TGFA: variants seen among roughly 807,000 people sequenced by gnomAD.
TGFA encodes the protein transforming growth factor alpha.
TGFA carries 12 observed loss-of-function variants against 21.7 expected under a neutral mutation model. That is an observed-to-expected ratio of 0.55 (90% CI 0.35 to 0.90). The LOEUF (loss-of-function observed/expected upper bound fraction) is 0.90. Among genes scored for constraint, TGFA ranks in the 40% least tolerant of loss-of-function variants. The pLI is 0.01. For missense variants in TGFA, 178 were observed against 210.8 expected (o/e 0.84, Z 0.96); for synonymous variants, 79 against 88.1 (o/e 0.90, Z 0.58).
intron 1 of TGFA, among the ~76,000 whole-genome samples, chr2:70,521,613 G>A (rs2461518): frequency 1.4e-5 from 1 of 74,052 alleles, no homozygotes; most frequent in Admixed American, 1.9e-4. Flanking sequence ...GTTGTTGTTT[G>A]TTTGTTTTTT....
intron 2 of TGFA, among the ~76,000 whole-genome samples, chr2:70,491,176 T>C (rs535110014): frequency 1.3e-5 from 2 of 152,278 alleles, no homozygotes; most frequent in Admixed American, 6.5e-5. Flanking sequence ...TTTGCTGAGA[T>C]TGGGTCTGAG....
intron 5 of TGFA, 118 bp from the exon 6 acceptor site, chr2:70,450,984 C>CCTAACTGCCCGAGAG: frequency 7.9e-7 from 1 of 1,261,008 alleles, no homozygotes; most frequent in Non-Finnish European, 1.1e-6. Flanking sequence ...TTCTCTCGGG[C>CCTAACTGCCCGAGAG]AGTTAGGCCC....
intron 4 of TGFA, among the ~76,000 whole-genome samples, chr2:70,454,484 C>T (rs1670165164): frequency 1.3e-5 from 2 of 152,254 alleles, no homozygotes; most frequent in South Asian, 4.1e-4. Context: ...CAGTACATCC[C>T]ATGCCAGGGG....
intron 2 of TGFA, among the ~76,000 whole-genome samples, chr2:70,499,760 G>A (rs1401848759): frequency 6.6e-6 from 1 of 152,172 alleles, no homozygotes; most frequent in African/African-American, 2.4e-5. Context: ...ACATGAGAAA[G>A]CACTCAACAG....
At chr2:70,540,717 T>A (rs1270511831) in intron 1 of TGFA, among the ~76,000 whole-genome samples, 1 of 152,200 alleles carries the variant, frequency 6.6e-6, no homozygotes, top group Non-Finnish European at 1.5e-5. Context: ...ATTACACTTT[T>A]AGTAAACCTA....
At chr2:70,484,114 C>T (rs1401081093) in intron 2 of TGFA, among the ~76,000 whole-genome samples, 5 of 152,114 alleles carry the variant, frequency 3.3e-5, no homozygotes, top group African/African-American at 7.2e-5. Context: ...CCTAGTGTTT[C>T]CTTCTCTCAC....
intron 2 of TGFA, among the ~76,000 whole-genome samples, chr2:70,506,433 C>T (rs370105570): frequency 3.9e-5 from 6 of 152,270 alleles, no homozygotes; most frequent in East Asian, 3.9e-4. Context: ...ATTTCTGGAT[C>T]GCATGCTGTA....
intron 2 of TGFA, among the ~76,000 whole-genome samples, chr2:70,494,148 G>A (rs1671511752): frequency 6.6e-6 from 1 of 152,076 alleles, no homozygotes; most frequent in Non-Finnish European, 1.5e-5. Flanking sequence ...ATCACTCCAA[G>A]CTCTGCTTCC....
chr2:70,511,668 G>A (rs534335362), intron 2 of TGFA, among the ~76,000 whole-genome samples: 8 of 152,236 alleles, frequency 5.3e-5, no homozygotes, highest in Admixed American at 1.3e-4. Context: ...TTACGTATAC[G>A]CATTGAAGTG....
chr2:70,465,613 T>C lies in TGFA; in HGVS notation c.215+3A>G, dbSNP rs782517356. On this transcript the variant is annotated splice_donor_region_variant and intron_variant, in intron 3 of 5. Transcript: ENST00000295400. ...GATCTCCAGGAGAACAGGGGATACT[T>C]ACACACATGCTGGCTTGTCCTCCTG... 4 of 1,614,126 alleles carry C rather than the reference T, an allele frequency of 2.5e-6. No homozygotes were observed. The East Asian group carries it at 8.9e-5, about 36-fold the overall frequency.
intron 2 of TGFA, among the ~76,000 whole-genome samples, chr2:70,504,501 C>T (rs1477132945): frequency 1.5e-5 from 2 of 136,120 alleles, no homozygotes; most frequent in Non-Finnish European, 3.2e-5. Context: ...CACACACACA[C>T]ACACACACAC....
At chr2:70,544,602 A>G (rs1234921347) in intron 1 of TGFA, among the ~76,000 whole-genome samples, 8 of 152,256 alleles carry the variant, frequency 5.3e-5, no homozygotes, top group African/African-American at 1.9e-4. Context: ...AATCCCTAGC[A>G]TCTAGAAGTG....
rs782730407 is a variant in TGFA, at chr2:70,447,644, C to T, written c.*3215G>A. 3.3e-5 allele frequency: 5 copies of T among 152,464 alleles called. No homozygotes were observed. The highest frequency in any genetic ancestry group is 5.9e-5 in the Non-Finnish European group (4 of 68,030). The allele number at this position is 152,464 out of a possible 1,614,324, so 9.4% of individuals were successfully genotyped here. The stretch of plus-strand genomic sequence containing the variant: ...AGAGGAGTTGCTTTTTCAGTACTCT[C>T]TCTCTCTCTGTGTGAACCACTAGAT... On this transcript the variant is annotated 3_prime_UTR_variant, in exon 6 of 6. Transcript: ENST00000295400.
chr2:70,473,582 C>G (rs1173413695), intron 2 of TGFA, among the ~76,000 whole-genome samples: 3 of 151,748 alleles, frequency 2.0e-5, no homozygotes, highest in African/African-American at 7.3e-5. Context: ...CAGCGGATGT[C>G]AGCAGAGTTA....
chr2:70,512,277 TA>T (rs1300046343), intron 2 of TGFA, among the ~76,000 whole-genome samples: 1 of 152,060 alleles, frequency 6.6e-6, no homozygotes, highest in Non-Finnish European at 1.5e-5. Flanking sequence ...GTAATTTCAT[TA>T]AATCTCTAAG....
At position 70,551,630 on chromosome 2, in the gene TGFA, A is replaced by G. The variant is rs1673511948; in HGVS notation, c.40+2098T>C. ...GAGGCAGCAGTTCTAGTAAACGCACAGAACTCACAGCTGTGATTTTTCTTT... is the reference window on the plus strand; with the variant it reads ...GAGGCAGCAGTTCTAGTAAACGCACGGAACTCACAGCTGTGATTTTTCTTT... On this transcript the variant is annotated intron_variant, in intron 1 of 5. Transcript: ENST00000295400. 3.9e-5 allele frequency among the ~76,000 whole-genome samples: 6 copies of G among 152,230 alleles called. No individual in the cohort carries two copies. The South Asian group carries it at 1.2e-3, about 32-fold the overall frequency.
At chr2:70,499,047 G>A (rs1230344233) in intron 2 of TGFA, among the ~76,000 whole-genome samples, 1 of 152,134 alleles carries the variant, frequency 6.6e-6, no homozygotes, top group African/African-American at 2.4e-5. Flanking sequence ...CTAACGTGCA[G>A]CCATAGTTGA....
chr2:70,536,988 TTTTCTTTTTC>T, intron 1 of TGFA, among the ~76,000 whole-genome samples: 1 of 133,618 alleles, frequency 7.5e-6, no homozygotes, highest in Admixed American at 7.9e-5. Context: ...TCTTTTTTCT[TTTTCTTTTTC>T]TTTTTTTTTT....
intron 2 of TGFA, among the ~76,000 whole-genome samples, chr2:70,512,831 A>C (rs1334174084): frequency 6.6e-6 from 1 of 152,174 alleles, no homozygotes; most frequent in Admixed American, 6.5e-5. Flanking sequence ...CCCCTTCTCT[A>C]TGCATGGCAG....
Sources: allele counts gnomAD v4.1 joint callset (sites outside exome capture counted in the v4.1 genomes callset), GRCh38; gene constraint gnomAD v4.1.1; transcripts MANE v1.5; gene names NCBI Gene and HGNC (gene_info 2026-07-23, HGNC 2026-07-21).